SPATA13: variants seen among roughly 807,000 people sequenced by gnomAD.
SPATA13 encodes spermatogenesis-associated protein 13.
A neutral mutation model predicts 104.0 loss-of-function variants in SPATA13; 50 were observed. That is an observed-to-expected ratio of 0.48 (90% CI 0.38 to 0.61). SPATA13 has a LOEUF of 0.61. Among genes scored for constraint, SPATA13 ranks in the 20% least tolerant of loss-of-function variants. The pLI is 0.00. For synonymous variants in SPATA13, 606 were observed against 667.5 expected (o/e 0.91, Z 1.42); for missense variants, 1,524 against 1,690.6 (o/e 0.90, Z 1.73).
intron 1 of SPATA13, among the ~76,000 whole-genome samples, chr13:24,201,591 C>G (rs1414921976): frequency 6.6e-6 from 1 of 152,116 alleles, no homozygotes; most frequent in East Asian, 1.9e-4. Flanking sequence ...CAGGTGCGTG[C>G]CACCACACTC....
chr13:24,000,490 A>G (rs2147996), intron 2 of SPATA13, among the ~76,000 whole-genome samples: 116,061 of 151,936 alleles, frequency 0.76, 44,466 homozygotes, highest in African/African-American at 0.82. Flanking sequence ...CAGGGCAGAT[A>G]GAGCCCTTGC....
chr13:24,113,344 T>G (rs1327050260), intron 3 of SPATA13, among the ~76,000 whole-genome samples: 1 of 152,218 alleles, frequency 6.6e-6, no homozygotes, highest in African/African-American at 2.4e-5. Flanking sequence ...GGCTCACGCT[T>G]GTAATCCCAG....
rs78700101 is a variant in SPATA13, at chr13:24,145,912, A to C, written c.-111-76907A>C. Among the ~76,000 whole-genome samples the C allele has an allele frequency of 3.1e-3, 476 of 152,286 alleles. 1 individual carries two copies. Among genetic ancestry groups the C allele is most frequent in the Non-Finnish European group, 5.2e-3 (351 of 68,028 alleles). On this transcript the variant is annotated intron_variant, in intron 3 of 14. Coordinates refer to the SPATA13 transcript ENST00000424834. Reference sequence around the variant, plus strand: ...CTGATGGAGGGAAGGAGCCTATTCCATATGTGAGAAAGAAGGGGGACGAGC... The same window carrying C: ...CTGATGGAGGGAAGGAGCCTATTCCCTATGTGAGAAAGAAGGGGGACGAGC...
chr13:24,296,608 C>A (rs560785927), intron 10 of SPATA13, among the ~76,000 whole-genome samples: 2 of 152,176 alleles, frequency 1.3e-5, no homozygotes, highest in Non-Finnish European at 2.9e-5. Context: ...TCCATAATCA[C>A]GATACTGTGT....
At chr13:24,157,318 A>T (rs2138478265), upstream of SPATA13, among the ~76,000 whole-genome samples, 1 of 151,820 alleles carries the variant, frequency 6.6e-6, no homozygotes, top group African/African-American at 2.4e-5. Flanking sequence ...TATTTTTTTG[A>T]GATGGAGTCT....
intron 2 of SPATA13, among the ~76,000 whole-genome samples, chr13:24,227,634 G>A (rs1872020363): frequency 1.3e-5 from 2 of 151,916 alleles, no homozygotes; most frequent in Non-Finnish European, 2.9e-5. Context: ...GCAGTGGTGC[G>A]ATCTTGGCTC....
chr13:24,213,649 AAGATCC>A lies in SPATA13; in HGVS notation c.-111-9167_-111-9162del, dbSNP rs1241205078. Among the ~76,000 whole-genome samples the A allele has an allele frequency of 2.0e-5, 3 of 152,334 alleles. No homozygotes were observed. In the East Asian group the frequency reaches 5.8e-4, roughly 29 times the overall value. ...TGCTACCATTCAAGCTTCTAAGTCAAAGATCCAGTTCATCTTTTCATAGAAGTATGA... is the reference window on the plus strand; with the variant it reads ...TGCTACCATTCAAGCTTCTAAGTCAAAGTTCATCTTTTCATAGAAGTATGA... On this transcript the variant is annotated intron_variant, in intron 1 of 12. Coordinates refer to ENST00000382108, the MANE Select transcript of SPATA13 (RefSeq NM_001166271.3).
Position 24,107,237 on chromosome 13 carries a change from CAAAAAAAAAAAAA to C in SPATA13, c.-112+89551_-112+89563del, listed in dbSNP as rs11421515. Among the ~76,000 whole-genome samples, 23 of 34,282 alleles carry C rather than the reference CAAAAAAAAAAAAA, an allele frequency of 6.7e-4. 1 individual carries two copies. The highest frequency in any genetic ancestry group is 2.9e-3 in the African/African-American group (22 of 7,594). 22.5% of individuals were successfully genotyped at this position (34,282 alleles called of 152,430 possible). A position where few individuals can be genotyped will look rare whatever the true frequency, so the allele number is the denominator to read the frequency against. Reference sequence around the variant, plus strand: ...CTCAAGTGCCCTTTTGAACAAGAGGCAAAAAAAAAAAAAAAAAAAAAAAAAAAGCTCAAGCCTG... The same window carrying C: ...CTCAAGTGCCCTTTTGAACAAGAGGCAAAAAAAAAAAAAAGCTCAAGCCTG... On this transcript the variant is annotated intron_variant, in intron 3 of 14. Coordinates refer to the SPATA13 transcript ENST00000424834.
intron 3 of SPATA13, among the ~76,000 whole-genome samples, chr13:24,062,869 T>C (rs1216267521): frequency 2.0e-5 from 3 of 152,218 alleles, no homozygotes; most frequent in Non-Finnish European, 4.4e-5. Context: ...GAAATTACTT[T>C]GGAAACTGTT....
Position 24,054,184 on chromosome 13 carries a change from A to G in SPATA13, c.-112+36483A>G, listed in dbSNP as rs541450932. 3.3e-5 allele frequency among the ~76,000 whole-genome samples: 5 copies of G among 152,324 alleles called. 1 individual carries two copies. Among genetic ancestry groups the G allele is most frequent in the East Asian group, 1.9e-4 (1 of 5,190 alleles). ...TCCCTCGTCTGCCACTTCCAAGGCCAGAAGCCCGGAGTTCCCATCACACCC... is the reference window on the plus strand; with the variant it reads ...TCCCTCGTCTGCCACTTCCAAGGCCGGAAGCCCGGAGTTCCCATCACACCC... On this transcript the variant is annotated intron_variant, in intron 3 of 14. Transcript: ENST00000424834.
chr13:24,224,494 T>C lies in SPATA13; in HGVS notation c.1565T>C (p.Leu522Pro), dbSNP rs372768109. The stretch of plus-strand genomic sequence containing the variant: ...GGGCCTGTGTCCTTGCAGGATCCCC[T>C]GGAAGCCACACATGGTGATGAGGGC... ...EPGPVSLQDP[L>P]EATHGDEGSK... The change falls in exon 2 of 13, where the codon CTG (leucine) becomes CCG (proline). Residue 522 changes from leucine to proline, a missense_variant. Coordinates refer to ENST00000382108, the MANE Select transcript of SPATA13 (RefSeq NM_001166271.3). The C allele has an allele frequency of 5.4e-5, 83 of 1,550,240 alleles. 1 individual carries two copies. Among genetic ancestry groups the C allele is most frequent in the East Asian group, 4.2e-4 (17 of 40,928 alleles).
At chr13:24,174,293 T>C (rs959660197) in intron 1 of SPATA13, among the ~76,000 whole-genome samples, 1 of 152,170 alleles carries the variant, frequency 6.6e-6, no homozygotes, top group Admixed American at 6.5e-5. Flanking sequence ...CTTTGTTTAA[T>C]TGATTTTTTC....
intron 1 of SPATA13, among the ~76,000 whole-genome samples, chr13:24,182,721 T>C (rs1185083890): frequency 6.6e-6 from 1 of 152,240 alleles, no homozygotes; most frequent in Admixed American, 6.5e-5. Context: ...TATCAATGGC[T>C]GTCTTTTTTG....
At chr13:24,049,774 A>G (rs750458366) in intron 3 of SPATA13, among the ~76,000 whole-genome samples, 1 of 152,198 alleles carries the variant, frequency 6.6e-6, no homozygotes, top group African/African-American at 2.4e-5. Context: ...AAGTACCTCA[A>G]GTGTCTGTCA....
chr13:24,027,234 A>G (rs1450486231), intron 3 of SPATA13, among the ~76,000 whole-genome samples: 1 of 141,718 alleles, frequency 7.1e-6, no homozygotes, highest in Non-Finnish European at 1.5e-5. Context: ...TCCCAGGTTC[A>G]TGCAATTCTC....
At position 24,306,348 on chromosome 13, in the gene SPATA13, A is replaced by G. The variant is rs571539812; in HGVS notation, c.*3575A>G. On this transcript the variant is annotated 3_prime_UTR_variant, in exon 13 of 13. Transcript: ENST00000382108. ...CCAGTCAGAATAGAACAGCATAATT[A>G]CCTGGAGTTAGGGGGAGTATTTCTG... is the stretch of plus-strand genomic sequence containing the variant. 1.3e-4 allele frequency: 20 copies of G among 152,346 alleles called. No individual in the cohort carries two copies. Among genetic ancestry groups the G allele is most frequent in the Non-Finnish European group, 2.1e-4 (14 of 68,042 alleles). 9.4% of individuals were successfully genotyped at this position (152,346 alleles called of 1,614,324 possible). A position where few individuals can be genotyped will look rare whatever the true frequency, so the allele number is the denominator to read the frequency against.
chr13:24,020,723 C>G (rs1876937634), intron 3 of SPATA13, among the ~76,000 whole-genome samples: 1 of 152,104 alleles, frequency 6.6e-6, no homozygotes, highest in African/African-American at 2.4e-5. Context: ...ATTTACAAGG[C>G]ACTTTATGCT....
At chr13:23,983,252 G>A (rs373508738) in intron 1 of SPATA13, among the ~76,000 whole-genome samples, 5 of 152,058 alleles carry the variant, frequency 3.3e-5, no homozygotes, top group African/African-American at 1.2e-4. Flanking sequence ...CTGACGCCGC[G>A]CTCCTTGGCT....
intron 1 of SPATA13, among the ~76,000 whole-genome samples, chr13:24,182,145 G>A (rs1365572610): frequency 3.3e-5 from 5 of 152,324 alleles, no homozygotes; most frequent in African/African-American, 9.6e-5. Flanking sequence ...CATGGGGAAA[G>A]AGGCCTGGCC....
Sources: allele counts gnomAD v4.1 joint callset (sites outside exome capture counted in the v4.1 genomes callset), GRCh38; gene constraint gnomAD v4.1.1; transcripts MANE v1.5; gene names NCBI Gene and HGNC (gene_info 2026-07-23, HGNC 2026-07-21).